Variants in DCC observed in about 807,000 individuals in gnomAD.
DCC encodes netrin receptor DCC.
In DCC, 58 loss-of-function variants were observed where a neutral mutation model predicts 172.5. The observed-to-expected ratio is 0.34, with a 90% CI of 0.27 to 0.42. The LOEUF (loss-of-function observed/expected upper bound fraction) is 0.42. Ranked by LOEUF, DCC falls within the 10% of genes least tolerant of loss-of-function variation. The pLI is 1.00. For missense variants in DCC, 1,740 were observed against 1,791.0 expected, an observed-to-expected ratio of 0.97 and a Z score of 0.51; for synonymous variants, 709 against 644.5, an observed-to-expected ratio of 1.10 and a Z score of -1.52.
intron 2 of DCC, among the ~76,000 whole-genome samples, chr18:52,784,434 G>T: frequency 6.6e-6 from 1 of 152,062 alleles, no homozygotes; most frequent in East Asian, 1.9e-4. Flanking sequence ...ATACCTAGTG[G>T]TGGGATTGCT....
At chr18:53,393,894 CTA>C (rs2145014428) in intron 17 of DCC, among the ~76,000 whole-genome samples, 1 of 73,982 alleles carries the variant, frequency 1.4e-5, no homozygotes, top group East Asian at 3.2e-4. Context: ...TACTAATGTA[CTA>C]TTCCCTCTCT....
At chr18:53,170,407 T>G (rs1205002520) in intron 8 of DCC, among the ~76,000 whole-genome samples, 1 of 152,254 alleles carries the variant, frequency 6.6e-6, no homozygotes, top group Non-Finnish European at 1.5e-5. Context: ...AAAATTAATA[T>G]GATAGAAAAT....
At chr18:53,098,634 T>C (rs575466454) in intron 7 of DCC, among the ~76,000 whole-genome samples, 24 of 152,270 alleles carry the variant, frequency 1.6e-4, no homozygotes, top group Non-Finnish European at 3.1e-4. Flanking sequence ...TGTCCCATGA[T>C]TGATGGTGAT....
chr18:53,191,605 A>C (rs927580107), intron 9 of DCC, among the ~76,000 whole-genome samples: 4 of 152,364 alleles, frequency 2.6e-5, no homozygotes, highest in African/African-American at 9.6e-5. Flanking sequence ...TCTTATGTCC[A>C]GTCAAAAGGA....
At chr18:53,120,669 A>G (rs1446002672) in intron 7 of DCC, among the ~76,000 whole-genome samples, 1 of 151,830 alleles carries the variant, frequency 6.6e-6, no homozygotes, top group Non-Finnish European at 1.5e-5. Context: ...GCTATGATAT[A>G]TCTTGCTGCT....
chr18:52,778,347 G>T (rs988144872), intron 2 of DCC, among the ~76,000 whole-genome samples: 3 of 152,060 alleles, frequency 2.0e-5, no homozygotes, highest in Non-Finnish European at 4.4e-5. Context: ...GAATCTTGGG[G>T]TGTCTTTAAT....
intron 1 of DCC, among the ~76,000 whole-genome samples, chr18:52,600,266 G>A (rs1144096): frequency 1.3e-5 from 2 of 151,938 alleles, no homozygotes; most frequent in Admixed American, 1.3e-4. Flanking sequence ...GAAATGACCA[G>A]GTTTTCCTCA....
intron 1 of DCC, among the ~76,000 whole-genome samples, chr18:52,386,684 C>T (rs1320429108): frequency 6.6e-6 from 1 of 152,004 alleles, no homozygotes; most frequent in East Asian, 1.9e-4. Flanking sequence ...CCAAGTAATA[C>T]ACAGCAGGAT....
chr18:52,378,556 TGA>T (rs556624573), intron 1 of DCC, among the ~76,000 whole-genome samples: 1 of 151,778 alleles, frequency 6.6e-6, no homozygotes, highest in South Asian at 2.1e-4. Flanking sequence ...ATACTTTTTT[TGA>T]GAGAGAGAGA....
At chr18:53,299,051 A>T (rs151206324) in intron 12 of DCC, among the ~76,000 whole-genome samples, 90 of 152,292 alleles carry the variant, frequency 5.9e-4, no homozygotes, top group African/African-American at 1.7e-3. Flanking sequence ...GTGAAACATA[A>T]ACCATGACTA....
chr18:52,584,870 C>T (rs1742566315), intron 1 of DCC, among the ~76,000 whole-genome samples: 1 of 152,084 alleles, frequency 6.6e-6, no homozygotes, highest in Non-Finnish European at 1.5e-5. Context: ...TAATCTACCT[C>T]ACTTAATCAC....
intron 1 of DCC, among the ~76,000 whole-genome samples, chr18:52,511,108 C>T (rs932586374): frequency 2.6e-5 from 4 of 151,818 alleles, no homozygotes; most frequent in African/African-American, 9.7e-5. Context: ...GGTGAAACCC[C>T]GTCTCTACTG....
intron 5 of DCC, among the ~76,000 whole-genome samples, chr18:53,029,918 T>C (rs1224505936): frequency 6.6e-6 from 1 of 152,164 alleles, no homozygotes; most frequent in South Asian, 2.1e-4. Flanking sequence ...AGGTATTTGT[T>C]GAAGTTGGGA....
intron 26 of DCC, among the ~76,000 whole-genome samples, chr18:53,493,473 T>C (rs1462239174): frequency 2.6e-5 from 4 of 152,132 alleles, no homozygotes; most frequent in Non-Finnish European, 4.4e-5. Flanking sequence ...TTGTTGTAAA[T>C]AGCTCTTATT....
At chr18:52,942,023 T>C (rs556013115) in intron 5 of DCC, among the ~76,000 whole-genome samples, 1 of 152,318 alleles carries the variant, frequency 6.6e-6, no homozygotes, top group East Asian at 1.9e-4. Flanking sequence ...CCTCAGGTGG[T>C]GTGCCCACCT....
chr18:53,179,220 A>G (rs1035825580), intron 9 of DCC, 104 bp downstream of exon 9: 17 of 1,196,810 alleles, frequency 1.4e-5, no homozygotes, highest in African/African-American at 4.6e-5. Context: ...AAAGCGAAGA[A>G]GAGTTTTTTT....
intron 15 of DCC, among the ~76,000 whole-genome samples, chr18:53,365,543 A>G (rs188761900): frequency 9.9e-5 from 15 of 152,190 alleles, no homozygotes; most frequent in African/African-American, 3.6e-4. Flanking sequence ...TTCATTACCA[A>G]ATTTAATGGT....
At chr18:52,700,408 C>CAG (rs895928690) in intron 1 of DCC, among the ~76,000 whole-genome samples, 2 of 151,844 alleles carry the variant, frequency 1.3e-5, no homozygotes, top group African/African-American at 4.8e-5. Context: ...CACACACACA[C>CAG]GCACATGCAC....
At chr18:53,051,300 A>T (rs1032695805) in intron 5 of DCC, among the ~76,000 whole-genome samples, 1 of 152,098 alleles carries the variant, frequency 6.6e-6, no homozygotes, top group Non-Finnish European at 1.5e-5. Flanking sequence ...CTGAAAAAGA[A>T]CATCTCTCAT....
Sources: allele counts gnomAD v4.1 joint callset (sites outside exome capture counted in the v4.1 genomes callset), GRCh38; gene constraint gnomAD v4.1.1; transcripts MANE v1.5; gene names NCBI Gene and HGNC (gene_info 2026-07-23, HGNC 2026-07-21).